Variants in ZNF469 observed in about 807,000 individuals in gnomAD.
ZNF469 encodes zinc finger protein 469.
In ZNF469, 1 loss-of-function variant was observed where a neutral mutation model predicts 1.0. That is an observed-to-expected ratio of 1.00 (90% CI 0.35 to 4.73). The LOEUF (loss-of-function observed/expected upper bound fraction) is 4.73, where lower values mean the gene tolerates loss of function less well. Ranked by LOEUF, ZNF469 falls within the 30% of genes most tolerant of loss-of-function variation. The pLI is 0.16. For missense variants in ZNF469, 6,100 were observed against 5,356.3 expected (o/e 1.14, Z -4.33); for synonymous variants, 2,703 against 2,363.4 (o/e 1.14, Z -4.17).
Position 88,437,652 on chromosome 16 carries a change from G to C in ZNF469, c.10182G>C (p.Pro3394=), listed in dbSNP as rs760657834. 1 of 1,544,434 alleles carries C rather than the reference G, an allele frequency of 6.5e-7. No homozygotes were observed. Among genetic ancestry groups the C allele is most frequent in the African/African-American group, 1.4e-5 (1 of 72,832 alleles). Residue 3394 remains proline, a synonymous_variant, in exon 3 of 3, where the codon CCG becomes CCC. Coordinates refer to ENST00000565624, the MANE Select transcript of ZNF469 (RefSeq NM_001367624.2). The part of the protein sequence containing the change: ...LGGAHGLLER[P]ELQHTPLYAC... ...GGGCGCACGGGCTGCTGGAGCGGCC[G>C]GAGCTGCAGCACACGCCGCTGTATG...
At chr16:88,189,854 G>C in the ZNF469 span, among the ~76,000 whole-genome samples, 1 of 152,226 alleles carries the variant, frequency 6.6e-6, no homozygotes, top group Non-Finnish European at 1.5e-5. This position sits in a 1 kb window ranked among gnomAD's most constrained non-coding sequence, Gnocchi z 4.3. Flanking sequence ...AGGAGGTAGA[G>C]GTTGCAGTGA....
At chr16:88,402,880 C>G (rs922627802) in intron 1 of ZNF469, among the ~76,000 whole-genome samples, 21 of 152,188 alleles carry the variant, frequency 1.4e-4, no homozygotes, top group African/African-American at 5.1e-4. Context: ...GGTCACTCCA[C>G]CAGCCAGGCT....
chr16:88,212,695 C>G, the ZNF469 span, among the ~76,000 whole-genome samples: 6 of 152,182 alleles, frequency 3.9e-5, no homozygotes, highest in South Asian at 2.1e-4. Flanking sequence ...ATCCTCCCAC[C>G]TTAGCCTCCC....
At chr16:88,178,324 G>T in the ZNF469 span, 1 of 152,322 alleles carries the variant, frequency 6.6e-6, no homozygotes, top group African/African-American at 2.4e-5. Context: ...ACGACCGGGA[G>T]GAGAGGAAGG....
At chr16:88,153,582 C>G in the ZNF469 span, among the ~76,000 whole-genome samples, 1 of 152,234 alleles carries the variant, frequency 6.6e-6, no homozygotes, top group African/African-American at 2.4e-5. Context: ...GCGAGAAGGT[C>G]ATAGCAGCCC....
chr16:88,132,712 G>A, the ZNF469 span, among the ~76,000 whole-genome samples: 9 of 152,224 alleles, frequency 5.9e-5, no homozygotes, highest in African/African-American at 1.9e-4. Flanking sequence ...ACATAAGTGC[G>A]GCTCTCCTGG....
chr16:88,346,711 C>T, the ZNF469 span, among the ~76,000 whole-genome samples: 1 of 152,146 alleles, frequency 6.6e-6, no homozygotes, highest in African/African-American at 2.4e-5. Flanking sequence ...GTGATGGAGT[C>T]TCGCTATGTT....
At chr16:88,227,339 G>A in the ZNF469 span, among the ~76,000 whole-genome samples, 3 of 152,134 alleles carry the variant, frequency 2.0e-5, no homozygotes, top group African/African-American at 4.8e-5. Context: ...GAAGGAGGCC[G>A]GGAGGACCCG....
chr16:88,370,046 A>T, the ZNF469 span, among the ~76,000 whole-genome samples: 1 of 152,246 alleles, frequency 6.6e-6, no homozygotes, highest in African/African-American at 2.4e-5. Context: ...CCAAACAGGG[A>T]AATTTCAAAG....
At chr16:88,163,895 A>AATGG in the ZNF469 span, among the ~76,000 whole-genome samples, 114,443 of 140,296 alleles carry the variant, frequency 0.82, 46,452 homozygotes, top group African/African-American at 0.85. Context: ...TGGGTAGATG[A>AATGG]ATGGATGGAT....
intron 1 of ZNF469, among the ~76,000 whole-genome samples, chr16:88,421,155 G>A (rs1481970414): frequency 6.6e-6 from 1 of 151,656 alleles, no homozygotes; most frequent in African/African-American, 2.4e-5. Flanking sequence ...GGGTGGGGCA[G>A]AAGCGTGGGG....
chr16:88,195,821 T>G, the ZNF469 span, among the ~76,000 whole-genome samples: 1 of 152,156 alleles, frequency 6.6e-6, no homozygotes, highest in Non-Finnish European at 1.5e-5. Flanking sequence ...GGGAAATCTC[T>G]TCTGGAGTAA....
the ZNF469 span, among the ~76,000 whole-genome samples, chr16:88,102,182 C>G: frequency 6.6e-6 from 1 of 151,714 alleles, no homozygotes; most frequent in African/African-American, 2.4e-5. Flanking sequence ...TGAGCAGGAA[C>G]GGGACAGAGG....
chr16:88,324,477 G>C, the ZNF469 span, among the ~76,000 whole-genome samples: 1 of 152,220 alleles, frequency 6.6e-6, no homozygotes, highest in Non-Finnish European at 1.5e-5. Context: ...CTGTGATGCA[G>C]AGAGTCCCAG....
rs1906922895 is a variant in ZNF469, at chr16:88,440,472, G to C, written c.*1140G>C. On this transcript the variant is annotated 3_prime_UTR_variant, in exon 3 of 3. Coordinates refer to ENST00000565624, the MANE Select transcript of ZNF469 (RefSeq NM_001367624.2). ...TGAAGGTGGGTCAAAGGGTGAGAGG[G>C]CTTCCTTCTCACCCTTCTCTCCATA... The C allele has an allele frequency of 6.6e-6, 1 of 152,060 alleles. No homozygotes were observed. The highest frequency in any genetic ancestry group is 1.5e-5 in the Non-Finnish European group (1 of 67,986). The allele number at this position is 152,060 out of a possible 1,614,324, so 9.4% of individuals were successfully genotyped here.
chr16:88,229,440 T>C, the ZNF469 span, among the ~76,000 whole-genome samples: 1 of 152,230 alleles, frequency 6.6e-6, no homozygotes, highest in Non-Finnish European at 1.5e-5. Flanking sequence ...TGGAGGCAGC[T>C]TGTTTTCCGT....
At chr16:88,392,172 T>C (rs1904509327) in intron 1 of ZNF469, among the ~76,000 whole-genome samples, 1 of 152,276 alleles carries the variant, frequency 6.6e-6, no homozygotes, top group African/African-American at 2.4e-5. Flanking sequence ...CAAACGTCAG[T>C]GAGTTCACAT....
the ZNF469 span, among the ~76,000 whole-genome samples, chr16:88,144,019 A>G: frequency 6.9e-6 from 1 of 145,134 alleles, no homozygotes; most frequent in Non-Finnish European, 1.5e-5. Context: ...TGCCAGGCGC[A>G]GGGGAAACGG....
chr16:88,239,956 A>T, the ZNF469 span, among the ~76,000 whole-genome samples: 2 of 148,296 alleles, frequency 1.3e-5, no homozygotes, highest in Non-Finnish European at 3.0e-5. Flanking sequence ...TAGGTATTAC[A>T]ATCTGATGGT....
Sources: gnomAD v4.1 joint callset for allele counts (sites outside exome capture counted in the v4.1 genomes callset) on GRCh38, gnomAD v4.1.1 for gene constraint, Gnocchi (gnomAD v3.1) non-coding constraint, MANE v1.5 for transcripts, NCBI Gene and HGNC (gene_info 2026-07-23, HGNC 2026-07-21) for gene names.